The following TMEM74 variants were observed in gnomAD, a reference collection of about 807,000 sequenced individuals.
The protein encoded by TMEM74 is transmembrane protein 74.
A neutral mutation model predicts 18.1 loss-of-function variants in TMEM74; 13 were observed. The ratio of observed to expected loss-of-function variants is 0.72; its 90% CI spans 0.47 to 1.14. The LOEUF is 1.14. TMEM74 is among the 50% of genes most tolerant of loss of function. The pLI, the probability that TMEM74 is intolerant of heterozygous loss-of-function variation, is 0.00. For missense variants in TMEM74, 372 were observed against 375.9 expected (o/e 0.99, Z 0.09); for synonymous variants, 159 against 146.6 (o/e 1.08, Z -0.61).
chr8:108,717,227 C>CA (rs1554574661), intron 1 of TMEM74, among the ~76,000 whole-genome samples: 1 of 151,666 alleles, frequency 6.6e-6, no homozygotes, highest in Non-Finnish European at 1.5e-5. Flanking sequence ...AGGAGTTACT[C>CA]AAAAAAATCA....
intron 1 of TMEM74, among the ~76,000 whole-genome samples, chr8:108,762,136 C>T (rs1814051273): frequency 2.0e-5 from 3 of 152,146 alleles, no homozygotes; most frequent in South Asian, 2.1e-4. Flanking sequence ...AACAACTGTG[C>T]TTCATGAATG....
intron 2 of TMEM74, among the ~76,000 whole-genome samples, chr8:108,647,979 G>A (rs1812736951): frequency 1.3e-5 from 2 of 152,098 alleles, no homozygotes; most frequent in Admixed American, 1.3e-4. Context: ...AATGCATTTT[G>A]AGCATTCTAG....
chr8:108,643,312 G>A (rs1230763206), intron 2 of TMEM74, among the ~76,000 whole-genome samples: 3 of 152,174 alleles, frequency 2.0e-5, no homozygotes, highest in East Asian at 3.9e-4. Flanking sequence ...TGCTGATGCT[G>A]CTGGTCCAAG....
At chr8:108,766,828 C>A (rs769471626) in intron 1 of TMEM74, among the ~76,000 whole-genome samples, 9 of 152,124 alleles carry the variant, frequency 5.9e-5, no homozygotes, top group Admixed American at 1.3e-4. Flanking sequence ...CCAAAAGCCC[C>A]GTGGCAAACC....
chr8:108,636,217 T>C (rs539697605), intron 2 of TMEM74, among the ~76,000 whole-genome samples: 15 of 152,144 alleles, frequency 9.9e-5, no homozygotes, highest in Non-Finnish European at 1.9e-4. Context: ...CATCTTATTC[T>C]TTAAGCCTCC....
intron 2 of TMEM74, among the ~76,000 whole-genome samples, chr8:108,618,847 C>T (rs929359341): frequency 6.6e-6 from 1 of 152,114 alleles, no homozygotes; most frequent in Non-Finnish European, 1.5e-5. Flanking sequence ...TAATGCTTCA[C>T]CCAGTTAGCA....
At chr8:108,659,624 A>G (rs1812880423) in intron 1 of TMEM74, among the ~76,000 whole-genome samples, 1 of 152,132 alleles carries the variant, frequency 6.6e-6, no homozygotes, top group Admixed American at 6.6e-5. Context: ...GACTTCTTAT[A>G]CAACTAATTG....
At chr8:108,648,431 G>T (rs1283297930) in intron 2 of TMEM74, among the ~76,000 whole-genome samples, 1 of 152,120 alleles carries the variant, frequency 6.6e-6, no homozygotes, top group East Asian at 1.9e-4. Flanking sequence ...GGCAAAATTA[G>T]CTTCACTACC....
chr8:108,663,165 G>C (rs755443605), intron 1 of TMEM74, among the ~76,000 whole-genome samples: 1 of 152,050 alleles, frequency 6.6e-6, no homozygotes, highest in East Asian at 1.9e-4. Flanking sequence ...AGCCTGCAGA[G>C]GAAGAGAAAT....
chr8:108,611,519 A>G (rs938618889), intron 2 of TMEM74, among the ~76,000 whole-genome samples: 9 of 152,362 alleles, frequency 5.9e-5, no homozygotes, highest in African/African-American at 2.2e-4. Context: ...AGTTGTGCTC[A>G]TAGAAAACAT....
intron 1 of TMEM74, among the ~76,000 whole-genome samples, chr8:108,674,834 G>A (rs1474237004): frequency 1.3e-5 from 2 of 152,192 alleles, no homozygotes; most frequent in East Asian, 1.9e-4. Context: ...GTTAATACAC[G>A]CAGCTCTGGA....
intron 1 of TMEM74, among the ~76,000 whole-genome samples, chr8:108,740,388 G>C (rs1007769503): frequency 6.6e-6 from 1 of 152,128 alleles, no homozygotes; most frequent in African/African-American, 2.4e-5. Context: ...CTTCTGTCCC[G>C]TTCTATGGTC....
At chr8:108,774,316 CACAAAAT>C (rs1336883405), downstream of TMEM74, among the ~76,000 whole-genome samples, 2 of 152,164 alleles carry the variant, frequency 1.3e-5, no homozygotes, top group Non-Finnish European at 1.5e-5. Flanking sequence ...GAAAACCTTC[CACAAAAT>C]CTCCAATGCT....
At chr8:108,724,932 G>T (rs117028822) in intron 1 of TMEM74, among the ~76,000 whole-genome samples, 4 of 152,150 alleles carry the variant, frequency 2.6e-5, no homozygotes, top group Non-Finnish European at 5.9e-5. Context: ...AATCCTCTTA[G>T]AATAAAACAC....
At chr8:108,683,810 T>C (rs980410709) in intron 1 of TMEM74, among the ~76,000 whole-genome samples, 1 of 152,054 alleles carries the variant, frequency 6.6e-6, no homozygotes, top group Non-Finnish European at 1.5e-5. Flanking sequence ...ACTTCTATGA[T>C]ATCAACTTTT....
At chr8:108,696,534 G>A (rs147456675) in intron 1 of TMEM74, among the ~76,000 whole-genome samples, 5 of 152,218 alleles carry the variant, frequency 3.3e-5, no homozygotes, top group African/African-American at 7.2e-5. Flanking sequence ...ACCATGGTGC[G>A]GCATAAAATG....
At chr8:108,726,730 G>C (rs1043324849) in intron 1 of TMEM74, among the ~76,000 whole-genome samples, 1 of 151,172 alleles carries the variant, frequency 6.6e-6, no homozygotes, top group African/African-American at 2.4e-5. Context: ...CCGAGGTACT[G>C]ATATATCAGT....
intron 2 of TMEM74, among the ~76,000 whole-genome samples, chr8:108,614,035 G>GTT (rs11393201): frequency 1.6e-3 from 226 of 137,092 alleles, no homozygotes; most frequent in African/African-American, 3.1e-3. Flanking sequence ...TTTTCATAAG[G>GTT]TTTTTTTTTT....
chr8:108,772,500 C>A (rs1269564798), intron 1 of TMEM74, among the ~76,000 whole-genome samples: 1 of 152,096 alleles, frequency 6.6e-6, no homozygotes, highest in Non-Finnish European at 1.5e-5. Context: ...AATTAGTGAT[C>A]AATTAAGGCA....
Sources: allele counts gnomAD v4.1 joint callset (sites outside exome capture counted in the v4.1 genomes callset), GRCh38; gene constraint gnomAD v4.1.1; transcripts MANE v1.5; gene names NCBI Gene and HGNC (gene_info 2026-07-23, HGNC 2026-07-21).